The following CTNNA3 variants were observed in gnomAD, a reference collection of about 807,000 sequenced individuals.
The protein encoded by CTNNA3 is catenin alpha 3, also known as catenin alpha-3.
CTNNA3 carries 76 observed loss-of-function variants against 95.7 expected under a neutral mutation model. That is an observed-to-expected ratio of 0.79 (90% CI 0.66 to 0.96). The LOEUF is 0.96. CTNNA3 is among the 40% of genes least tolerant of loss of function. The pLI is 0.00. For synonymous variants in CTNNA3, 431 were observed against 374.4 expected, an observed-to-expected ratio of 1.15 and a Z score of -1.74; for missense variants, 1,191 against 1,089.8, an observed-to-expected ratio of 1.09 and a Z score of -1.31.
chr10:67,365,669 T>G (rs1025862316), intron 5 of CTNNA3, among the ~76,000 whole-genome samples: 4 of 152,164 alleles, frequency 2.6e-5, no homozygotes, highest in African/African-American at 9.6e-5. Flanking sequence ...ATCAAAACTA[T>G]GATGAGATAC....
chr10:67,492,526 G>A (rs1838883055), intron 5 of CTNNA3, among the ~76,000 whole-genome samples: 1 of 152,198 alleles, frequency 6.6e-6, no homozygotes, highest in Admixed American at 6.5e-5. Context: ...GAGAGACAAT[G>A]TGCTTATGTC....
chr10:67,604,244 A>G (rs1843183494), intron 3 of CTNNA3, among the ~76,000 whole-genome samples: 1 of 152,194 alleles, frequency 6.6e-6, no homozygotes, highest in Non-Finnish European at 1.5e-5. Flanking sequence ...CTGATAACAC[A>G]TGCACAGAGG....
At chr10:66,434,803 T>G (rs1048829905) in intron 11 of CTNNA3, among the ~76,000 whole-genome samples, 6 of 152,182 alleles carry the variant, frequency 3.9e-5, no homozygotes, top group African/African-American at 1.2e-4. Context: ...GCTCTTATTA[T>G]TTTGAGATAT....
chr10:66,463,032 C>A (rs1013500916), intron 11 of CTNNA3, among the ~76,000 whole-genome samples: 3 of 152,112 alleles, frequency 2.0e-5, no homozygotes, highest in Admixed American at 1.3e-4. Flanking sequence ...TATCAAAATT[C>A]TTTTAGCTTC....
chr10:66,773,229 T>G (rs1199284476), intron 8 of CTNNA3, among the ~76,000 whole-genome samples: 4 of 152,178 alleles, frequency 2.6e-5, no homozygotes, highest in Admixed American at 1.3e-4. Flanking sequence ...CATCCATTCC[T>G]GTACACACAT....
chr10:67,639,855 C>A (rs1350884452), intron 2 of CTNNA3, among the ~76,000 whole-genome samples: 8 of 152,100 alleles, frequency 5.3e-5, no homozygotes, highest in African/African-American at 1.9e-4. Context: ...TGGGACATAT[C>A]TCAACATAAT....
At chr10:67,163,701 T>C (rs539295327) in intron 7 of CTNNA3, among the ~76,000 whole-genome samples, 1 of 151,916 alleles carries the variant, frequency 6.6e-6, no homozygotes, top group Non-Finnish European at 1.5e-5. Context: ...TATCTATACA[T>C]GACATAATTT....
chr10:66,282,638 C>T (rs1466607518), intron 12 of CTNNA3, among the ~76,000 whole-genome samples: 1 of 151,790 alleles, frequency 6.6e-6, no homozygotes. Flanking sequence ...CCATCCACAG[C>T]ATAGTTCTTC....
intron 11 of CTNNA3, among the ~76,000 whole-genome samples, chr10:66,447,096 T>A (rs2131811396): frequency 6.6e-6 from 1 of 151,548 alleles, no homozygotes; most frequent in African/African-American, 2.4e-5. Flanking sequence ...GAGAATAAAA[T>A]ACCTAGGAAT....
At chr10:67,502,966 G>A (rs1292870474) in intron 5 of CTNNA3, among the ~76,000 whole-genome samples, 1 of 152,174 alleles carries the variant, frequency 6.6e-6, no homozygotes, top group African/African-American at 2.4e-5. Context: ...CCCCTTTCCA[G>A]GGGAGCAAAC....
intron 3 of CTNNA3, among the ~76,000 whole-genome samples, chr10:67,570,773 T>C (rs1298920643): frequency 6.6e-6 from 1 of 152,236 alleles, no homozygotes; most frequent in East Asian, 1.9e-4. Context: ...TTTCCTTGAC[T>C]AATGGAGCAC....
chr10:66,587,163 T>C (rs1490051655), intron 10 of CTNNA3, among the ~76,000 whole-genome samples: 1 of 152,156 alleles, frequency 6.6e-6, no homozygotes, highest in African/African-American at 2.4e-5. Flanking sequence ...CCAGCTGTAG[T>C]AGTAGTGTAT....
chr10:67,129,141 A>G (rs2132013932), intron 7 of CTNNA3, among the ~76,000 whole-genome samples: 1 of 152,270 alleles, frequency 6.6e-6, no homozygotes, highest in Non-Finnish European at 1.5e-5. Context: ...GGACTGTGAC[A>G]TTTTGTATTA....
chr10:66,831,120 G>A (rs551669549), intron 7 of CTNNA3, among the ~76,000 whole-genome samples: 1 of 152,174 alleles, frequency 6.6e-6, no homozygotes, highest in East Asian at 1.9e-4. Flanking sequence ...CTTTCACCTG[G>A]ACTACTACAA....
chr10:66,179,745 A>G (rs969948402), intron 13 of CTNNA3, among the ~76,000 whole-genome samples: 7 of 152,074 alleles, frequency 4.6e-5, no homozygotes, highest in Admixed American at 2.6e-4. Context: ...TGCTGTGGTA[A>G]TAAGAAAGAC....
intron 11 of CTNNA3, among the ~76,000 whole-genome samples, chr10:66,445,238 C>A (rs2093410352): frequency 6.6e-6 from 1 of 151,900 alleles, no homozygotes; most frequent in Non-Finnish European, 1.5e-5. Context: ...CATTAACACC[C>A]CACTGTCAAC....
intron 5 of CTNNA3, among the ~76,000 whole-genome samples, chr10:67,356,131 T>A (rs1234678044): frequency 6.6e-6 from 1 of 152,014 alleles, no homozygotes; most frequent in African/African-American, 2.4e-5. Flanking sequence ...TCAGAGCCCA[T>A]TACACTATGT....
Position 66,621,782 on chromosome 10 carries a change from C to A in CTNNA3, c.1284G>T (p.Val428=), listed in dbSNP as rs1429533964. 6.3e-7 allele frequency: 1 copy of A among 1,598,038 alleles called. No homozygotes were observed. Among genetic ancestry groups the A allele is most frequent in the East Asian group, 2.2e-5 (1 of 44,510 alleles). ...FHEHTSRLVE[V]ANLACSMSTN... is the part of the protein sequence containing the mutation. Reference sequence around the variant, plus strand: ...TTGACATGGAACAAGCAAGATTTGCCACCTTAAATACAATCCAAAATAATG... The same window carrying A: ...TTGACATGGAACAAGCAAGATTTGCAACCTTAAATACAATCCAAAATAATG... The change falls in exon 10 of 18, where the codon GTG becomes GTT. Residue 428 remains valine (V), a splice_region_variant and synonymous_variant. Transcript: ENST00000433211.
At chr10:66,890,826 C>T (rs1187737499) in intron 7 of CTNNA3, among the ~76,000 whole-genome samples, 4 of 152,034 alleles carry the variant, frequency 2.6e-5, no homozygotes, top group Non-Finnish European at 4.4e-5. Context: ...AATGGTGATG[C>T]AGGGACGATG....
Sources: gnomAD v4.1 joint callset for allele counts (sites outside exome capture counted in the v4.1 genomes callset) on GRCh38, gnomAD v4.1.1 for gene constraint, MANE v1.5 for transcripts, NCBI Gene and HGNC (gene_info 2026-07-23, HGNC 2026-07-21) for gene names.